Variants in TCF4 observed in about 807,000 individuals in gnomAD.
TCF4 encodes SL3-3 enhancer factor 2.
Under a neutral mutation model 82.1 loss-of-function variants are expected in TCF4, and 3 were observed. The observed-to-expected ratio is 0.04, with a 90% CI of 0.02 to 0.09. The LOEUF (loss-of-function observed/expected upper bound fraction) is 0.09, where lower values mean the gene tolerates loss of function less well. Ranked by LOEUF, TCF4 falls within the 10% of genes least tolerant of loss-of-function variation. The pLI, the probability that TCF4 is intolerant of heterozygous loss-of-function variation, is 1.00. For synonymous variants in TCF4, 276 were observed against 309.6 expected, an observed-to-expected ratio of 0.89 and a Z score of 1.14; for missense variants, 518 against 852.7, an observed-to-expected ratio of 0.61 and a Z score of 4.89.
At chr18:55,620,356 C>T (rs577101677) in intron 2 of TCF4, among the ~76,000 whole-genome samples, 1 of 152,298 alleles carries the variant, frequency 6.6e-6, no homozygotes, top group East Asian at 1.9e-4. Flanking sequence ...CAATGCAAGA[C>T]CCTTATGAAT....
chr18:55,443,092 A>G (rs2095468933), intron 5 of TCF4, among the ~76,000 whole-genome samples: 2 of 152,194 alleles, frequency 1.3e-5, no homozygotes, highest in Non-Finnish European at 2.9e-5. Flanking sequence ...TACTATAAAA[A>G]CAAGTCAGGT....
intron 3 of TCF4, among the ~76,000 whole-genome samples, chr18:55,568,953 G>C (rs1433944520): frequency 1.3e-5 from 2 of 152,122 alleles, no homozygotes; most frequent in Non-Finnish European, 2.9e-5. Context: ...ATATACGGAT[G>C]TCACTCACGA....
At chr18:55,323,786 G>A (rs893607494) in intron 8 of TCF4, among the ~76,000 whole-genome samples, 3 of 152,188 alleles carry the variant, frequency 2.0e-5, no homozygotes, top group Non-Finnish European at 2.9e-5. Flanking sequence ...AAGTTGGGGA[G>A]TTTCCTGGTT....
chr18:55,341,104 A>G (rs1264124866), intron 8 of TCF4, among the ~76,000 whole-genome samples: 1 of 152,256 alleles, frequency 6.6e-6, no homozygotes, highest in Non-Finnish European at 1.5e-5. Flanking sequence ...GTAGATAGTC[A>G]AATACTTGCT....
chr18:55,411,078 G>A (rs749156785), intron 5 of TCF4, among the ~76,000 whole-genome samples: 1 of 152,080 alleles, frequency 6.6e-6, no homozygotes, highest in South Asian at 2.1e-4. Context: ...TAATTCCACA[G>A]AGTGTGCAAT....
At chr18:55,475,581 A>G (rs1200307653) in intron 3 of TCF4, among the ~76,000 whole-genome samples, 5 of 152,346 alleles carry the variant, frequency 3.3e-5, no homozygotes, top group Non-Finnish European at 7.3e-5. Context: ...AAAAATTAAA[A>G]TACAAAAATG....
chr18:55,405,523 A>C (rs952892551), intron 5 of TCF4, among the ~76,000 whole-genome samples: 4 of 152,186 alleles, frequency 2.6e-5, no homozygotes, highest in Non-Finnish European at 4.4e-5. Flanking sequence ...GGAATTCCTG[A>C]AGCTATCCCC....
chr18:55,414,599 T>C (rs2094463332), intron 5 of TCF4, among the ~76,000 whole-genome samples: 1 of 152,144 alleles, frequency 6.6e-6, no homozygotes, highest in South Asian at 2.1e-4. Flanking sequence ...CAACAAAAAT[T>C]GTTGCTATTT....
intron 8 of TCF4, among the ~76,000 whole-genome samples, chr18:55,336,802 A>G (rs2078737540): frequency 6.6e-6 from 1 of 152,158 alleles, no homozygotes. Flanking sequence ...AATACTTCCA[A>G]GGGTACATCA....
chr18:55,422,125 CAAAAAAAAAAAA>C lies in TCF4; in HGVS notation c.305-18619_305-18608del, dbSNP rs555892552. On this transcript the variant is annotated intron_variant, in intron 5 of 19. Transcript: ENST00000354452. ...CAAAAAAAAAAAAACCACTATCATCCAAAAAAAAAAAAAAAAAAAAAAACCCACCCTGAATAG... is the reference window on the plus strand; with the variant it reads ...CAAAAAAAAAAAAACCACTATCATCCAAAAAAAAAAACCCACCCTGAATAG... 6.7e-4 allele frequency: 218 copies of C among 323,458 alleles called. 1 individual carries two copies. The highest frequency in any genetic ancestry group is 2.2e-3 in the Admixed American group (11 of 4,934). 20.0% of individuals were successfully genotyped at this position (323,458 alleles called of 1,614,324 possible).
At chr18:55,635,589 GA>G (rs1343439396) in intron 1 of TCF4, 3 of 1,322,372 alleles carry the variant, frequency 2.3e-6, no homozygotes, top group Non-Finnish European at 3.0e-6. Flanking sequence ...ATGTCAGGGA[GA>G]GAGGTTAGAG....
rs375140529 is a variant in TCF4 at position 55,227,248 on chromosome 18, C to CAA, written c.*785_*786dup. ...CCAGGGAAAGGGACAGAAATAAGAC[C>CAA]AAAAAAAAAAAAATCCATATTTACA... On this transcript the variant is annotated 3_prime_UTR_variant, in exon 20 of 20. Transcript: ENST00000354452. 15,520 of 127,408 alleles carry CAA rather than the reference C, an allele frequency of 0.12. 926 individuals carry two copies. The highest frequency in any genetic ancestry group is 0.14 in the African/African-American group (4,874 of 35,854). 7.9% of individuals were successfully genotyped at this position (127,408 alleles called of 1,614,324 possible).
At chr18:55,562,150 A>T (rs2097360637) in intron 3 of TCF4, among the ~76,000 whole-genome samples, 1 of 152,202 alleles carries the variant, frequency 6.6e-6, no homozygotes, top group Admixed American at 6.5e-5. Context: ...CAACAGCAGA[A>T]TTTAGTATTT....
chr18:55,339,719 G>C (rs1250949636), intron 8 of TCF4, among the ~76,000 whole-genome samples: 1 of 152,060 alleles, frequency 6.6e-6, no homozygotes, highest in African/African-American at 2.4e-5. Context: ...TTCTTTAAAT[G>C]CAAGAAGAGT....
At chr18:55,284,567 G>A (rs2063303214) in intron 8 of TCF4, among the ~76,000 whole-genome samples, 1 of 152,294 alleles carries the variant, frequency 6.6e-6, no homozygotes, top group Admixed American at 6.5e-5. Flanking sequence ...GTGTGGTTGG[G>A]TGGTAGCCAC....
chr18:55,411,256 A>C (rs770832232), intron 5 of TCF4, among the ~76,000 whole-genome samples: 3 of 152,132 alleles, frequency 2.0e-5, no homozygotes, highest in Non-Finnish European at 4.4e-5. Flanking sequence ...CCCTGAAATC[A>C]CTCAACTTAC....
intron 5 of TCF4, among the ~76,000 whole-genome samples, chr18:55,432,346 G>A (rs1330637590): frequency 7.2e-5 from 11 of 152,050 alleles, no homozygotes; most frequent in East Asian, 1.9e-4. Context: ...CCTTTGCAGC[G>A]CTGAACAGAG....
chr18:55,617,716 T>C (rs946494311), intron 2 of TCF4, among the ~76,000 whole-genome samples: 3 of 152,064 alleles, frequency 2.0e-5, no homozygotes, highest in African/African-American at 7.2e-5. Context: ...TTTCTTAGTT[T>C]TCTTTTTTTG....
At chr18:55,415,299 C>T (rs1269451960) in intron 5 of TCF4, among the ~76,000 whole-genome samples, 7 of 152,214 alleles carry the variant, frequency 4.6e-5, no homozygotes, top group East Asian at 3.9e-4. Context: ...AACAAATTAA[C>T]GGCCATACTC....
Sources: allele counts gnomAD v4.1 joint callset (sites outside exome capture counted in the v4.1 genomes callset), GRCh38; gene constraint gnomAD v4.1.1; transcripts MANE v1.5; gene names NCBI Gene and HGNC (gene_info 2026-07-23, HGNC 2026-07-21).